CRACR2A: variants seen among roughly 807,000 people sequenced by gnomAD.
The protein encoded by CRACR2A is EF-hand calcium-binding domain-containing protein 4B.
A neutral mutation model predicts 90.5 loss-of-function variants in CRACR2A; 79 were observed. The observed-to-expected ratio is 0.87, with a 90% CI of 0.73 to 1.05. The LOEUF (loss-of-function observed/expected upper bound fraction) is 1.05, where lower values mean the gene tolerates loss of function less well. Among genes scored for constraint, CRACR2A ranks in the 50% least tolerant of loss-of-function variants. The probability of loss-of-function intolerance (pLI) is 0.00; values close to 1 mark genes in which losing one functional copy is unlikely to be tolerated. For synonymous variants in CRACR2A, 338 were observed against 356.7 expected, an observed-to-expected ratio of 0.95 and a Z score of 0.59; for missense variants, 823 against 897.2, an observed-to-expected ratio of 0.92 and a Z score of 1.06.
Position 3,652,384 on chromosome 12 carries a change from C to T in CRACR2A, c.1046+1828G>A, listed in dbSNP as rs566862732. Among the ~76,000 whole-genome samples the T allele has an allele frequency of 7.2e-5, 11 of 152,238 alleles. No individual in the cohort carries two copies. The South Asian group carries it at 2.3e-3, about 32-fold the overall frequency. ...GCTTGTTCACAATGAAATATGTTGT[C>T]CTTCCACAATTGGTCATCCAAGAAT... On this transcript the variant is annotated intron_variant, in intron 10 of 19. Transcript: ENST00000440314.
At chr12:3,642,219 ATATATC>A (rs60906667) in intron 12 of CRACR2A, among the ~76,000 whole-genome samples, 69,280 of 151,640 alleles carry the variant, frequency 0.46, 16,453 homozygotes, top group Admixed American at 0.57. Flanking sequence ...TTCTGAAAAA[ATATATC>A]TATATTTTTG....
intron 6 of CRACR2A, among the ~76,000 whole-genome samples, chr12:3,675,709 A>C (rs1294214133): frequency 6.6e-6 from 1 of 152,158 alleles, no homozygotes; most frequent in East Asian, 1.9e-4. Context: ...TACCTCACTA[A>C]TAAATCACTT....
intron 6 of CRACR2A, among the ~76,000 whole-genome samples, chr12:3,676,027 C>G (rs921511249): frequency 6.6e-5 from 10 of 152,124 alleles, no homozygotes; most frequent in African/African-American, 2.4e-4. Context: ...CCCTCTCTCC[C>G]TCCTTTCCTT....
At chr12:3,617,521 G>C (rs1207596088) in intron 18 of CRACR2A, among the ~76,000 whole-genome samples, 2 of 152,202 alleles carry the variant, frequency 1.3e-5, no homozygotes, top group African/African-American at 2.4e-5. Context: ...GCATTCCATA[G>C]GCCTTGGGGA....
chr12:3,629,498 T>C (rs1384509260), intron 15 of CRACR2A, among the ~76,000 whole-genome samples: 1 of 152,180 alleles, frequency 6.6e-6, no homozygotes, highest in East Asian at 1.9e-4. Context: ...AAGGCCTCCA[T>C]GGTCATACAG....
At position 3,654,367 on chromosome 12, in the gene CRACR2A, G is replaced by A. The variant is rs376081413; in HGVS notation, c.891C>T (p.Asp297=). ...LEGQCTALHH[D]KHETKAENTK... Reference sequence around the variant, plus strand: ...TATTCTCAGCCTTGGTCTCATGCTTGTCATGATGCAGGGCTGTGCACTGAC... The same window carrying A: ...TATTCTCAGCCTTGGTCTCATGCTTATCATGATGCAGGGCTGTGCACTGAC... Residue 297 remains aspartate (D), a synonymous_variant, in exon 10 of 20, where the codon GAC becomes GAT. Transcript: ENST00000440314. 1.2e-6 allele frequency: 2 copies of A among 1,613,092 alleles called. No individual in the cohort carries two copies.
At chr12:3,638,579 C>G in intron 13 of CRACR2A, 125 bp from the exon 14 acceptor site, 4 of 1,144,824 alleles carry the variant, frequency 3.5e-6, no homozygotes, top group Non-Finnish European at 4.8e-6. Context: ...AAGAGCAGTC[C>G]GGGAGAGGGA....
intron 1 of CRACR2A, among the ~76,000 whole-genome samples, chr12:3,745,226 G>A (rs1236378896): frequency 2.6e-5 from 4 of 152,198 alleles, no homozygotes; most frequent in East Asian, 1.9e-4. Flanking sequence ...AAAAGCTACC[G>A]CAGGCCATGG....
chr12:3,615,895 A>G (rs1438037474), intron 19 of CRACR2A, among the ~76,000 whole-genome samples: 1 of 152,208 alleles, frequency 6.6e-6, no homozygotes, highest in Non-Finnish European at 1.5e-5. Context: ...AAATATACTG[A>G]TGGGTCGTAA....
At chr12:3,648,442 GT>G (rs34594218) in intron 11 of CRACR2A, 99 bp downstream of exon 11, 2 of 1,600,528 alleles carry the variant, frequency 1.2e-6, no homozygotes, top group Non-Finnish European at 8.5e-7. Flanking sequence ...CAGCAGGCAC[GT>G]TTTTCCAGCA....
intron 1 of CRACR2A, among the ~76,000 whole-genome samples, chr12:3,734,533 G>A (rs1319409339): frequency 6.6e-6 from 1 of 152,014 alleles, no homozygotes; most frequent in African/African-American, 2.4e-5. Flanking sequence ...CCGCACTCCC[G>A]TGTTCACAGC....
intron 18 of CRACR2A, among the ~76,000 whole-genome samples, chr12:3,618,106 C>T (rs1258316985): frequency 1.3e-5 from 2 of 150,770 alleles, no homozygotes; most frequent in African/African-American, 2.4e-5. Context: ...GACCCCACCT[C>T]GGGTGAGCTG....
At chr12:3,701,993 T>C (rs1945841894) in intron 3 of CRACR2A, among the ~76,000 whole-genome samples, 3 of 152,162 alleles carry the variant, frequency 2.0e-5, no homozygotes, top group South Asian at 2.1e-4. Flanking sequence ...ATCTGAGAAA[T>C]GCAAGAATGG....
intron 6 of CRACR2A, among the ~76,000 whole-genome samples, chr12:3,675,102 A>C (rs1009191418): frequency 1.3e-5 from 2 of 152,216 alleles, no homozygotes; most frequent in African/African-American, 2.4e-5. Context: ...TGTCCATTAC[A>C]GTCATCTGCA....
chr12:3,635,310 GAGA>G lies in CRACR2A; in HGVS notation c.1603-1577_1603-1575del, dbSNP rs528413381. Among the ~76,000 whole-genome samples, 26 of 152,304 alleles carry G rather than the reference GAGA, an allele frequency of 1.7e-4. 1 individual carries two copies. The highest frequency in any genetic ancestry group is 7.8e-4 in the Admixed American group (12 of 15,304). ...TGGCTGGATTGCGGGGAGGGGGCTG[GAGA>G]AGGAGTACCTGGCTGGCAAATCAGA... On this transcript the variant is annotated intron_variant, in intron 14 of 19. Coordinates refer to ENST00000440314, the MANE Select transcript of CRACR2A (RefSeq NM_001144958.2).
chr12:3,632,214 G>A (rs183766362), intron 15 of CRACR2A, among the ~76,000 whole-genome samples: 12 of 152,060 alleles, frequency 7.9e-5, no homozygotes, highest in South Asian at 2.1e-4. Flanking sequence ...TTTACCTTCC[G>A]CCATAACTGT....
At chr12:3,752,870 C>A (rs183895760) in intron 1 of CRACR2A, 145 bp downstream of exon 1, 4 of 152,360 alleles carry the variant, frequency 2.6e-5, no homozygotes, top group South Asian at 2.1e-4. Context: ...CTGTTCCCCC[C>A]CAAGGGCACA....
rs529352394 is a variant in CRACR2A, at chr12:3,652,418, A to C, written c.1046+1794T>G. 4.6e-5 allele frequency among the ~76,000 whole-genome samples: 7 copies of C among 152,274 alleles called. No homozygotes were observed. In the South Asian group the frequency reaches 1.5e-3, roughly 32 times the overall value. Reference sequence around the variant, plus strand: ...ATTGGTCATCCAAGAATTGGAATGGAGGGGCTTATTTTAAGTCAGCTACTT... The same window carrying C: ...ATTGGTCATCCAAGAATTGGAATGGCGGGGCTTATTTTAAGTCAGCTACTT... On this transcript the variant is annotated intron_variant, in intron 10 of 19. Coordinates refer to ENST00000440314, the MANE Select transcript of CRACR2A (RefSeq NM_001144958.2).
At chr12:3,666,846 T>A (rs913969822) in intron 7 of CRACR2A, among the ~76,000 whole-genome samples, 1 of 152,224 alleles carries the variant, frequency 6.6e-6, no homozygotes, top group African/African-American at 2.4e-5. Context: ...TTCCCCTGCC[T>A]AGGCTGTAGG....
Sources: allele counts gnomAD v4.1 joint callset (sites outside exome capture counted in the v4.1 genomes callset), GRCh38; gene constraint gnomAD v4.1.1; transcripts MANE v1.5; gene names NCBI Gene and HGNC (gene_info 2026-07-23, HGNC 2026-07-21).